The following MAGI2 variants were observed in gnomAD, a reference collection of about 807,000 sequenced individuals.
MAGI2 encodes membrane associated guanylate kinase, WW and PDZ domain containing 2.
In MAGI2, 35 loss-of-function variants were observed where a neutral mutation model predicts 133.3. The observed-to-expected ratio is 0.26, with a 90% confidence interval of 0.20 to 0.35. The LOEUF (loss-of-function observed/expected upper bound fraction) is 0.35, where lower values mean the gene tolerates loss of function less well. Among genes scored for constraint, MAGI2 ranks in the 10% least tolerant of loss-of-function variants. MAGI2 has a pLI of 1.00. For synonymous variants in MAGI2, 729 were observed against 710.6 expected (o/e 1.03, Z -0.41); for missense variants, 1,636 against 1,863.4 (o/e 0.88, Z 2.25).
chr7:78,785,769 C>T (rs929628990), intron 2 of MAGI2, among the ~76,000 whole-genome samples: 1 of 152,156 alleles, frequency 6.6e-6, no homozygotes, highest in Non-Finnish European at 1.5e-5. Context: ...TCTTTATGAT[C>T]TCTTTTGATT....
At chr7:79,098,545 C>G (rs1415134964) in intron 1 of MAGI2, among the ~76,000 whole-genome samples, 1 of 152,120 alleles carries the variant, frequency 6.6e-6, no homozygotes, top group East Asian at 1.9e-4. Flanking sequence ...GTTTGGATAA[C>G]ATGAGAAGAA....
intron 1 of MAGI2, among the ~76,000 whole-genome samples, chr7:79,394,091 C>T (rs758909191): frequency 2.0e-5 from 3 of 152,126 alleles, no homozygotes; most frequent in African/African-American, 4.8e-5. Context: ...GAGCCACAAG[C>T]TTGTCTCCCA....
chr7:78,585,602 C>T (rs975702771), intron 3 of MAGI2, among the ~76,000 whole-genome samples: 2 of 152,140 alleles, frequency 1.3e-5, no homozygotes, highest in Admixed American at 1.3e-4. Flanking sequence ...TGAAGGGTGG[C>T]TGGTGGCTGG....
At chr7:79,132,889 C>T (rs1821061701) in intron 1 of MAGI2, among the ~76,000 whole-genome samples, 1 of 152,078 alleles carries the variant, frequency 6.6e-6, no homozygotes, top group African/African-American at 2.4e-5. Flanking sequence ...GATTGCATTT[C>T]TCTGATGATT....
At chr7:78,531,930 TA>T (rs2150627140) in intron 3 of MAGI2, among the ~76,000 whole-genome samples, 1 of 152,316 alleles carries the variant, frequency 6.6e-6, no homozygotes, top group African/African-American at 2.4e-5. Flanking sequence ...ATCAAATCTC[TA>T]ACCCTCAGTT....
intron 6 of MAGI2, among the ~76,000 whole-genome samples, chr7:78,423,872 C>T (rs898654240): frequency 1.3e-5 from 2 of 152,096 alleles, no homozygotes; most frequent in Admixed American, 1.3e-4. Flanking sequence ...GACTTGGATG[C>T]TGTTAAAAAC....
intron 2 of MAGI2, among the ~76,000 whole-genome samples, chr7:78,965,282 G>A (rs531462673): frequency 1.3e-5 from 2 of 151,604 alleles, no homozygotes; most frequent in Non-Finnish European, 2.9e-5. Context: ...ATAGGGATAT[G>A]CATGTCACAA....
chr7:78,315,337 T>A (rs111653795), intron 9 of MAGI2, among the ~76,000 whole-genome samples: 20 of 152,304 alleles, frequency 1.3e-4, no homozygotes, highest in African/African-American at 4.3e-4. Flanking sequence ...GGCATATACT[T>A]GGCAGGGTTT....
At chr7:78,489,018 C>A (rs1206503979) in intron 6 of MAGI2, among the ~76,000 whole-genome samples, 1 of 151,990 alleles carries the variant, frequency 6.6e-6, no homozygotes, top group African/African-American at 2.4e-5. Context: ...AATAATAAAT[C>A]ATCAGAGAGT....
intron 3 of MAGI2, among the ~76,000 whole-genome samples, chr7:78,561,075 GA>G (rs1322849255): frequency 6.6e-6 from 1 of 152,130 alleles, no homozygotes; most frequent in Non-Finnish European, 1.5e-5. Flanking sequence ...CAAAAACTTA[GA>G]AAGCAGTGAT....
intron 10 of MAGI2, among the ~76,000 whole-genome samples, chr7:78,208,355 A>G (rs1787337213): frequency 6.6e-6 from 1 of 152,110 alleles, no homozygotes. Context: ...ATCTGCACAT[A>G]TTGTCTTCTG....
At chr7:78,224,552 A>G (rs1238256541) in intron 10 of MAGI2, among the ~76,000 whole-genome samples, 3 of 151,976 alleles carry the variant, frequency 2.0e-5, no homozygotes, top group Non-Finnish European at 2.9e-5. Context: ...TGTGGTCCCA[A>G]CTACTTGGGA....
Position 78,079,046 on chromosome 7 carries a change from T to C in MAGI2, c.3607A>G (p.Arg1203Gly). 6.2e-7 allele frequency: 1 copy of C among 1,613,832 alleles called. No individual in the cohort carries two copies. Among genetic ancestry groups the C allele is most frequent in the Non-Finnish European group, 8.5e-7 (1 of 1,179,944 alleles). The change falls in exon 21 of 22, where the codon AGG (arginine) becomes GGG (glycine). Residue 1203 changes from arginine (R) to glycine (G), a missense_variant. Physicochemically the swap from Arg to Gly is moderately radical, Grantham distance 125. This residue lies in a region of MAGI2 where 49 missense variants were observed against 103.8 expected (regional missense o/e 0.47). Transcript: ENST00000354212. ...ATTGCTCTGGCATGTGTCATGTCCC[T>C]TGTGCTTTCCCCATTGATTTCAATG... ...QIIEINGESTRDMTHARAIEL... is the reference protein window; with the variant it reads ...QIIEINGESTGDMTHARAIEL...
intron 2 of MAGI2, among the ~76,000 whole-genome samples, chr7:78,869,878 C>A (rs1794886516): frequency 6.6e-6 from 1 of 152,128 alleles, no homozygotes; most frequent in African/African-American, 2.4e-5. Flanking sequence ...TTTTTATTTG[C>A]TTTGTTGAAG....
At chr7:78,872,255 A>G (rs1795093148) in intron 2 of MAGI2, among the ~76,000 whole-genome samples, 1 of 151,958 alleles carries the variant, frequency 6.6e-6, no homozygotes, top group South Asian at 2.1e-4. Context: ...AACCTCACTA[A>G]TAAATGCAAA....
chr7:78,923,066 T>G (rs1799390284), intron 2 of MAGI2, among the ~76,000 whole-genome samples: 2 of 152,330 alleles, frequency 1.3e-5, no homozygotes, highest in East Asian at 1.9e-4. Flanking sequence ...TAAATTTGTT[T>G]GAGTTCATTG....
intron 21 of MAGI2, among the ~76,000 whole-genome samples, chr7:78,038,232 A>G (rs1023363200): frequency 6.6e-6 from 1 of 152,184 alleles, no homozygotes; most frequent in African/African-American, 2.4e-5. Flanking sequence ...TGTTCAGTAA[A>G]TATTAATTGA....
chr7:78,945,738 G>A (rs1467233966), intron 2 of MAGI2, among the ~76,000 whole-genome samples: 1 of 152,114 alleles, frequency 6.6e-6, no homozygotes, highest in Non-Finnish European at 1.5e-5. Context: ...CTTCAGAAGA[G>A]TCTCTGTTTC....
At chr7:79,250,573 A>G (rs567487969) in intron 1 of MAGI2, among the ~76,000 whole-genome samples, 4 of 152,180 alleles carry the variant, frequency 2.6e-5, no homozygotes, top group African/African-American at 4.8e-5. Context: ...TACAAGAAAA[A>G]CTATAAAACA....
Sources: gnomAD v4.1 joint callset for allele counts (sites outside exome capture counted in the v4.1 genomes callset) on GRCh38, gnomAD v4.1.1 for gene constraint, gnomAD v4.1.1 regional missense constraint, MANE v1.5 for transcripts, NCBI Gene and HGNC (gene_info 2026-07-23, HGNC 2026-07-21) for gene names.